CACNA1C: variants seen among roughly 807,000 people sequenced by gnomAD.
CACNA1C encodes the protein voltage-dependent L-type calcium channel subunit alpha-1C.
Under a neutral mutation model 229.0 loss-of-function variants are expected in CACNA1C, and 30 were observed. That is an observed-to-expected ratio of 0.13 (90% CI 0.10 to 0.18). The LOEUF is 0.18. CACNA1C is among the 10% of genes least tolerant of loss of function. The pLI, the probability that CACNA1C is intolerant of heterozygous loss-of-function variation, is 1.00. For synonymous variants in CACNA1C, 1,114 were observed against 1,132.5 expected, an observed-to-expected ratio of 0.98 and a Z score of 0.33; for missense variants, 1,658 against 2,845.0, an observed-to-expected ratio of 0.58 and a Z score of 9.49.
intron 30 of CACNA1C, among the ~76,000 whole-genome samples, 153 bp downstream of exon 30, chr12:2,634,533 T>C (rs1240285274): frequency 1.3e-5 from 2 of 151,414 alleles, no homozygotes; most frequent in Admixed American, 6.6e-5. Flanking sequence ...GGTTTTTTTT[T>C]CCTTGTTGCT....
rs1390336217 is a variant in CACNA1C, at chr12:2,053,354, T to G, written c.-209T>G. 12 of 1,340,408 alleles carry G rather than the reference T, an allele frequency of 9.0e-6. No homozygotes were observed. The highest frequency in any genetic ancestry group is 1.5e-5 in the African/African-American group (1 of 66,582). The allele number at this position is 1,340,408 out of a possible 1,614,324, so 83.0% of individuals were successfully genotyped here. A position where few individuals can be genotyped will look rare whatever the true frequency, so the allele number is the denominator to read the frequency against. ...ACAGTTTCACTCGAGGAGGCAGTAG[T>G]GGAAAGGAGCAGTTTTTGGGGTTTG... On this transcript the variant is annotated 5_prime_UTR_variant, in exon 1 of 47. Coordinates refer to ENST00000399655, the MANE Select transcript of CACNA1C (RefSeq NM_000719.7). The surrounding 1 kb of genome is among the most constrained non-coding windows in gnomAD (Gnocchi z 5.8).
Position 2,029,249 on chromosome 12 carries a change from T to C in CACNA1C, c.139+58048T>C, listed in dbSNP as rs1310997743. Among the ~76,000 whole-genome samples, 1 of 152,220 alleles carries C rather than the reference T, an allele frequency of 6.6e-6. No individual in the cohort carries two copies. Among genetic ancestry groups the C allele is most frequent in the Admixed American group, 6.5e-5 (1 of 15,282 alleles). On this transcript the variant is annotated intron_variant, in intron 1 of 46. Transcript: ENST00000682462. This position sits in a 1 kb window ranked among gnomAD's most constrained non-coding sequence, Gnocchi z 4.9. ...CCAGTTGTCATTCGTGGGGCCAATATGTTGATGCTGCATTTATAAATTTTT... is the reference window on the plus strand; with the variant it reads ...CCAGTTGTCATTCGTGGGGCCAATACGTTGATGCTGCATTTATAAATTTTT...
intron 1 of CACNA1C, among the ~76,000 whole-genome samples, chr12:2,059,916 A>C (rs2056812697): frequency 6.6e-6 from 1 of 151,894 alleles, no homozygotes; most frequent in African/African-American, 2.4e-5. Flanking sequence ...CAACCTCTCT[A>C]TTCTTCCTCC....
chr12:2,682,475 T>C (rs2097197830), intron 42 of CACNA1C, 75 bp from the exon 43 acceptor site: 2 of 1,556,184 alleles, frequency 1.3e-6, no homozygotes, highest in Non-Finnish European at 1.7e-6. Context: ...TGTGCGTGTG[T>C]GATGCTTTAC....
chr12:2,167,028 T>A (rs2096268478), intron 3 of CACNA1C, among the ~76,000 whole-genome samples: 1 of 152,226 alleles, frequency 6.6e-6, no homozygotes, highest in Non-Finnish European at 1.5e-5. Context: ...ATACTCAAGC[T>A]TTTATCAGTC....
At chr12:2,322,172 G>A (rs1450263472) in intron 3 of CACNA1C, among the ~76,000 whole-genome samples, 1 of 152,236 alleles carries the variant, frequency 6.6e-6, no homozygotes, top group Non-Finnish European at 1.5e-5. Flanking sequence ...ACATGTGCCT[G>A]TGTGGGTGAT....
chr12:2,415,180 T>G (rs1026717375), intron 3 of CACNA1C, among the ~76,000 whole-genome samples: 1 of 152,244 alleles, frequency 6.6e-6, no homozygotes. Context: ...ATGTTTTCTC[T>G]TCCTATTTGC....
intron 1 of CACNA1C, among the ~76,000 whole-genome samples, chr12:2,091,056 C>G (rs2070645073): frequency 6.6e-6 from 1 of 152,198 alleles, no homozygotes. Context: ...ATTTTAACAT[C>G]AATACTCGAG....
At chr12:2,061,330 A>G (rs1415296219) in intron 1 of CACNA1C, among the ~76,000 whole-genome samples, 2 of 152,198 alleles carry the variant, frequency 1.3e-5, no homozygotes, top group Non-Finnish European at 2.9e-5. Flanking sequence ...ATTTCAAACA[A>G]CTTTGGAGGT....
Position 2,665,101 on chromosome 12 carries a change from G to A in CACNA1C, c.4398+111G>A. ...TCAGGGCAACCCTATCAGAGGAGCT[G>A]GCTTGGGAAGACTAAGTTGGCAGGA... On this transcript the variant is annotated intron_variant, in intron 35 of 46. Transcript: ENST00000399655. The surrounding 1 kb of genome is among the most constrained non-coding windows in gnomAD (Gnocchi z 5.9). 2 of 1,172,762 alleles carry A rather than the reference G, an allele frequency of 1.7e-6. No homozygotes were observed. Among genetic ancestry groups the A allele is most frequent in the Non-Finnish European group, 2.4e-6 (2 of 818,896 alleles). 72.6% of individuals were successfully genotyped at this position (1,172,762 alleles called of 1,614,324 possible).
intron 1 of CACNA1C, among the ~76,000 whole-genome samples, chr12:2,032,303 G>A (rs1413508967): frequency 2.6e-5 from 4 of 152,102 alleles, no homozygotes; most frequent in African/African-American, 9.7e-5. Context: ...AGTCCCTAAA[G>A]TGAACATCAA....
intron 1 of CACNA1C, among the ~76,000 whole-genome samples, chr12:2,038,670 A>G (rs1350725640): frequency 1.3e-5 from 2 of 152,236 alleles, no homozygotes; most frequent in Non-Finnish European, 2.9e-5. Context: ...AGCTGAACCC[A>G]TGCTTAATAG....
At chr12:2,244,090 G>A (rs1270665521) in intron 3 of CACNA1C, among the ~76,000 whole-genome samples, 1 of 152,200 alleles carries the variant, frequency 6.6e-6, no homozygotes, top group East Asian at 1.9e-4. Flanking sequence ...GCTCCCTTAA[G>A]CATCCTGCCC....
Position 2,023,187 on chromosome 12 carries a change from G to C in CACNA1C, c.139+51986G>C, listed in dbSNP as rs183022799. Among the ~76,000 whole-genome samples the C allele has an allele frequency of 2.6e-5, 4 of 152,320 alleles. No individual in the cohort carries two copies. In the East Asian group the frequency reaches 7.7e-4, roughly 29 times the overall value. On this transcript the variant is annotated intron_variant, in intron 1 of 46. Coordinates refer to the CACNA1C transcript ENST00000682462. ...ACCTGCTTTGGTGGTGGTGCATCGA[G>C]TGTTCTGTCGTTCTGTAGGTTCATA...
At chr12:2,441,253 C>T (rs1292228172) in intron 3 of CACNA1C, among the ~76,000 whole-genome samples, 2 of 152,162 alleles carry the variant, frequency 1.3e-5, no homozygotes, top group African/African-American at 4.8e-5. Context: ...GGTCTGTCAC[C>T]TAGTGGATGT....
intron 3 of CACNA1C, among the ~76,000 whole-genome samples, chr12:2,315,848 A>G (rs1178604241): frequency 3.9e-5 from 6 of 152,200 alleles, no homozygotes; most frequent in Admixed American, 6.5e-5. Context: ...TTCCTAGATC[A>G]CTTTTAGCAG....
chr12:2,474,362 A>G (rs2099610008), intron 5 of CACNA1C, among the ~76,000 whole-genome samples: 1 of 152,208 alleles, frequency 6.6e-6, no homozygotes, highest in African/African-American at 2.4e-5. Flanking sequence ...CCAGTGCTCT[A>G]GAATATATCC....
intron 3 of CACNA1C, among the ~76,000 whole-genome samples, chr12:2,208,945 C>T (rs1399151585): frequency 1.3e-5 from 2 of 152,218 alleles, no homozygotes; most frequent in Non-Finnish European, 2.9e-5. Flanking sequence ...TGCTCCAGCA[C>T]TGTGATCCCT....
upstream of CACNA1C, among the ~76,000 whole-genome samples, chr12:2,049,804 G>C (rs1039061195): frequency 1.3e-5 from 2 of 152,100 alleles, no homozygotes; most frequent in Non-Finnish European, 2.9e-5. Flanking sequence ...CCCCAAATCG[G>C]AATTCACAAT....
Sources: allele counts gnomAD v4.1 joint callset (sites outside exome capture counted in the v4.1 genomes callset), GRCh38; gene constraint gnomAD v4.1.1; non-coding constraint Gnocchi (gnomAD v3.1); transcripts MANE v1.5; gene names NCBI Gene and HGNC (gene_info 2026-07-23, HGNC 2026-07-21).